Variants in MAST3 observed in about 807,000 individuals in gnomAD.
MAST3 encodes microtubule-associated serine/threonine-protein kinase 3.
MAST3 carries 43 observed loss-of-function variants against 127.0 expected under a neutral mutation model. The observed-to-expected ratio is 0.34, with a 90% confidence interval of 0.27 to 0.44. The LOEUF (loss-of-function observed/expected upper bound fraction) is 0.44. MAST3 is among the 20% of genes least tolerant of loss of function. The pLI, the probability that MAST3 is intolerant of heterozygous loss-of-function variation, is 1.00. For missense variants in MAST3, 1,390 were observed against 1,919.1 expected, an observed-to-expected ratio of 0.72 and a Z score of 5.15; for synonymous variants, 785 against 809.2, an observed-to-expected ratio of 0.97 and a Z score of 0.51.
At position 18,137,444 on chromosome 19, in the gene MAST3, C is replaced by T. The variant is rs2147554625; in HGVS notation, c.2095+83C>T. The T allele has an allele frequency of 2.7e-6, 4 of 1,465,422 alleles. No homozygotes were observed. In the East Asian group the frequency reaches 9.2e-5, roughly 34 times the overall value. The allele number at this position is 1,465,422 out of a possible 1,614,324, so 90.8% of individuals were successfully genotyped here. On this transcript the variant is annotated intron_variant, in intron 19 of 27. Transcript: ENST00000687212. ...TGGGGGCAGAGGGCTGTGTGCCAGG[C>T]ATTCCACCCGAGCTTGGCACCTCAC... is the stretch of plus-strand genomic sequence containing the variant.
Position 18,144,882 on chromosome 19 carries a change from G to T in MAST3, c.2813-121G>T. 1 of 852,794 alleles carries T rather than the reference G, an allele frequency of 1.2e-6. No homozygotes were observed. The highest frequency in any genetic ancestry group is 1.5e-5 in the South Asian group (1 of 67,716). 52.8% of individuals were successfully genotyped at this position (852,794 alleles called of 1,614,324 possible). On this transcript the variant is annotated intron_variant, in intron 23 of 27. Transcript: ENST00000687212. This position sits in a 1 kb window ranked among gnomAD's most constrained non-coding sequence, Gnocchi z 4.0. The stretch of plus-strand genomic sequence containing the variant: ...TGCACGTGCAAAGGCCTGGTGGGGT[G>T]ACCATGCTTGGGACATTGAAGCAAC...
chr19:18,125,287 G>A (rs974695786), intron 11 of MAST3, among the ~76,000 whole-genome samples: 1 of 152,184 alleles, frequency 6.6e-6, no homozygotes. Flanking sequence ...CAAATGCCAC[G>A]TTAAGATGGT....
intron 15 of MAST3, 115 bp from the exon 16 acceptor site, chr19:18,134,464 C>T (rs1306493334): frequency 2.2e-6 from 3 of 1,392,028 alleles, no homozygotes; most frequent in Non-Finnish European, 2.9e-6. Flanking sequence ...TCGCTAGGGC[C>T]CAGGAGTTGG....
At position 18,145,577 on chromosome 19, in the gene MAST3, G is replaced by A. The variant is rs1176069762; in HGVS notation, c.3040-166G>A. Among the ~76,000 whole-genome samples the A allele has an allele frequency of 6.9e-6, 1 of 144,702 alleles. No individual in the cohort carries two copies. Among genetic ancestry groups the A allele is most frequent in the African/African-American group, 2.6e-5 (1 of 38,748 alleles). 94.9% of individuals were successfully genotyped at this position (144,702 alleles called of 152,430 possible). A position where few individuals can be genotyped will look rare whatever the true frequency, so the allele number is the denominator to read the frequency against. ...AAGGCTTTCTGGAGAAGGGGGCGTA[G>A]GAGCTGGGGCTTTGATGGGTGAGTA... On this transcript the variant is annotated intron_variant, in intron 24 of 27. Transcript: ENST00000687212. This position sits in a 1 kb window ranked among gnomAD's most constrained non-coding sequence, Gnocchi z 5.9.
In MAST3 at chr19:18,149,241, TC is replaced by T; in HGVS notation, c.3563del (p.Pro1188GlnfsTer152). 2 of 1,464,722 alleles carry T rather than the reference TC, an allele frequency of 1.4e-6. No homozygotes were observed. Among genetic ancestry groups the T allele is most frequent in the Non-Finnish European group, 1.8e-6 (2 of 1,107,380 alleles). 90.7% of individuals were successfully genotyped at this position (1,464,722 alleles called of 1,614,324 possible). ...SASPSSSSPA[S>X]PAAAGHTRPS... is the part of the protein sequence containing the mutation. Reference sequence around the variant, plus strand: ...ATCCCCGAGCTCCAGCAGCCCCGCCTCCCCAGCTGCTGCTGGCCACACCCGC... The same window carrying T: ...ATCCCCGAGCTCCAGCAGCCCCGCCTCCCAGCTGCTGCTGGCCACACCCGC... On this transcript the variant is annotated frameshift_variant, in exon 28 of 28. Coordinates refer to ENST00000687212, the MANE Select transcript of MAST3 (RefSeq NM_001393504.1). LOFTEE classifies it low-confidence loss of function (END_TRUNC). This position sits in a 1 kb window ranked among gnomAD's most constrained non-coding sequence, Gnocchi z 5.9.
At chr19:18,146,004 C>T (rs914802101) in intron 25 of MAST3, 139 bp downstream of exon 25, 4 of 1,092,794 alleles carry the variant, frequency 3.7e-6, no homozygotes, top group African/African-American at 1.7e-5. Context: ...CCACTTCCTT[C>T]GGCCCAGAAT....
intron 11 of MAST3, among the ~76,000 whole-genome samples, chr19:18,125,177 C>T (rs906702368): frequency 3.3e-5 from 5 of 152,154 alleles, no homozygotes; most frequent in Admixed American, 6.5e-5. Context: ...CCAGAACCAC[C>T]GCACTGTTCT....
chr19:18,133,609 A>T (rs2041570015), intron 15 of MAST3, among the ~76,000 whole-genome samples: 1 of 128,660 alleles, frequency 7.8e-6, no homozygotes, highest in African/African-American at 3.0e-5. Context: ...GCTGGAGTGC[A>T]GTGGTGCGAT....
At chr19:18,123,156 G>A in intron 6 of MAST3, 61 bp from the exon 7 acceptor site, 2 of 1,580,358 alleles carry the variant, frequency 1.3e-6, no homozygotes, top group Non-Finnish European at 1.7e-6. Context: ...GGTGGTGCTG[G>A]GTTCCTGGCC....
chr19:18,134,067 G>A (rs1568589106), intron 15 of MAST3, among the ~76,000 whole-genome samples: 1 of 152,028 alleles, frequency 6.6e-6, no homozygotes, highest in Non-Finnish European at 1.5e-5. Context: ...AATGAACTAT[G>A]TAGTCAGTAC....
At chr19:18,100,460 A>G (rs2037498198) in intron 1 of MAST3, among the ~76,000 whole-genome samples, 1 of 152,254 alleles carries the variant, frequency 6.6e-6, no homozygotes, top group African/African-American at 2.4e-5. Context: ...GTTTGAGGCT[A>G]TAGTGAGCCA....
intron 1 of MAST3, among the ~76,000 whole-genome samples, chr19:18,099,373 TG>T (rs1210450631): frequency 1.7e-5 from 1 of 58,556 alleles, no homozygotes; most frequent in African/African-American, 6.8e-5. Context: ...GTGGTGTTGG[TG>T]GGGGGGCAGT....
Position 18,124,324 on chromosome 19 carries a change from G to C in MAST3, c.903G>C (p.Leu301=). The C allele has an allele frequency of 6.2e-7, 1 of 1,609,846 alleles. No homozygotes were observed. Among genetic ancestry groups the C allele is most frequent in the East Asian group, 2.2e-5 (1 of 44,758 alleles). ...VSFIVQLVRK[L]LIIISRPARL... is the part of the protein sequence containing the mutation. ...TCATCGTCCAGCTTGTCCGGAAACT[G>C]CTGATCATCATCTCACGGCCAGCTC... Residue 301 remains leucine (L), a synonymous_variant, in exon 10 of 28, where the codon CTG becomes CTC. Coordinates refer to ENST00000687212, the MANE Select transcript of MAST3 (RefSeq NM_001393504.1).
Position 18,145,932 on chromosome 19 carries a change from C to T in MAST3, c.3162+67C>T, listed in dbSNP as rs951495794. 8.7e-6 allele frequency: 13 copies of T among 1,494,402 alleles called. No homozygotes were observed. The highest frequency in any genetic ancestry group is 5.3e-5 in the East Asian group (2 of 37,644). The allele number at this position is 1,494,402 out of a possible 1,614,324, so 92.6% of individuals were successfully genotyped here. ...CCCTTGGCCGCAGCTCCCGGTTCCCCGTGGTTCTCCGCGTCCAGACACACA... is the reference window on the plus strand; with the variant it reads ...CCCTTGGCCGCAGCTCCCGGTTCCCTGTGGTTCTCCGCGTCCAGACACACA... On this transcript the variant is annotated intron_variant, in intron 25 of 27. Coordinates refer to ENST00000687212, the MANE Select transcript of MAST3 (RefSeq NM_001393504.1). This position sits in a 1 kb window ranked among gnomAD's most constrained non-coding sequence, Gnocchi z 5.9.
At chr19:18,102,590 T>C (rs1229755896) in intron 1 of MAST3, among the ~76,000 whole-genome samples, 1 of 151,604 alleles carries the variant, frequency 6.6e-6, no homozygotes, top group Non-Finnish European at 1.5e-5. Context: ...CAAGGGATTC[T>C]CCTGCCTCGG....
intron 11 of MAST3, among the ~76,000 whole-genome samples, chr19:18,127,452 G>A (rs1444500210): frequency 2.0e-5 from 3 of 152,164 alleles, no homozygotes; most frequent in African/African-American, 7.2e-5. Context: ...GGGAGGCCGA[G>A]GCAGGCGGAT....
chr19:18,129,135 CAT>C (rs1316709330), intron 13 of MAST3, 184 bp downstream of exon 13: 15 of 614,156 alleles, frequency 2.4e-5, no homozygotes, highest in East Asian at 5.6e-5. Flanking sequence ...GTTACAGCCT[CAT>C]GTGTGCTCTG....
In MAST3 at chr19:18,145,603, G is replaced by C. The variant is rs1418621678; in HGVS notation, c.3040-140G>C. On this transcript the variant is annotated intron_variant, in intron 24 of 27. Transcript: ENST00000687212. This position sits in a 1 kb window ranked among gnomAD's most constrained non-coding sequence, Gnocchi z 5.9. ...GAGCTGGGGCTTTGATGGGTGAGTA[G>C]GAGTTCCCCCAGGATCAGGGAAACT... The C allele has an allele frequency of 1.1e-6, 1 of 909,548 alleles. No homozygotes were observed. Among genetic ancestry groups the C allele is most frequent in the Non-Finnish European group, 1.5e-6 (1 of 685,164 alleles). The allele number at this position is 909,548 out of a possible 1,614,324, so 56.3% of individuals were successfully genotyped here.
chr19:18,123,739 T>C, intron 8 of MAST3, 84 bp downstream of exon 8: 14 of 1,211,916 alleles, frequency 1.2e-5, no homozygotes, highest in Non-Finnish European at 1.6e-5. Context: ...TTCCTGGCTA[T>C]GTCCCCTTTG....
Sources: allele counts gnomAD v4.1 joint callset (sites outside exome capture counted in the v4.1 genomes callset), GRCh38; gene constraint gnomAD v4.1.1; non-coding constraint Gnocchi (gnomAD v3.1); transcripts MANE v1.5; gene names NCBI Gene and HGNC (gene_info 2026-07-23, HGNC 2026-07-21).